The following GAS7 variants were observed in gnomAD, a reference collection of about 807,000 sequenced individuals.
GAS7 encodes the protein growth arrest specific 7.
GAS7 carries 28 observed loss-of-function variants against 71.1 expected under a neutral mutation model. The ratio of observed to expected loss-of-function variants is 0.39; its 90% confidence interval spans 0.29 to 0.54. The LOEUF (loss-of-function observed/expected upper bound fraction) is 0.54, where lower values mean the gene tolerates loss of function less well. Ranked by LOEUF, GAS7 falls within the 20% of genes least tolerant of loss-of-function variation. GAS7 has a pLI of 0.62. For synonymous variants in GAS7, 258 were observed against 245.8 expected (o/e 1.05, Z -0.46); for missense variants, 436 against 627.8 (o/e 0.69, Z 3.27).
At chr17:10,054,496 C>T (rs1414748771) in intron 1 of GAS7, among the ~76,000 whole-genome samples, 4 of 152,164 alleles carry the variant, frequency 2.6e-5, no homozygotes, top group Non-Finnish European at 5.9e-5. Flanking sequence ...CCAACTGAAA[C>T]ATTTTTAAGT....
At chr17:9,985,462 G>A (rs932933013) in intron 2 of GAS7, among the ~76,000 whole-genome samples, 30 of 152,186 alleles carry the variant, frequency 2.0e-4, no homozygotes, top group African/African-American at 6.7e-4. Context: ...CATACCTGCC[G>A]CCTCCTGCTC....
intron 8 of GAS7, among the ~76,000 whole-genome samples, chr17:9,935,922 G>T (rs1567794044): frequency 6.6e-6 from 1 of 152,224 alleles, no homozygotes; most frequent in Non-Finnish European, 1.5e-5. Flanking sequence ...CAACAGGTGG[G>T]TAGGAGGTCC....
intron 1 of GAS7, among the ~76,000 whole-genome samples, chr17:10,127,393 G>A (rs1169808137): frequency 2.0e-5 from 3 of 152,094 alleles, no homozygotes; most frequent in Admixed American, 6.5e-5. Context: ...TGCCAGCTGG[G>A]GATGAGCAGG....
At chr17:10,176,386 C>T (rs1026480515) in intron 1 of GAS7, among the ~76,000 whole-genome samples, 2 of 152,166 alleles carry the variant, frequency 1.3e-5, no homozygotes, top group Non-Finnish European at 2.9e-5. Flanking sequence ...CCCTGCACAG[C>T]GTCTCTTAGC....
chr17:10,022,087 G>GTC (rs1295077118), intron 1 of GAS7, among the ~76,000 whole-genome samples: 1 of 152,082 alleles, frequency 6.6e-6, no homozygotes, highest in Non-Finnish European at 1.5e-5. Flanking sequence ...GGAAGACTCC[G>GTC]TCTGCAAATA....
At chr17:10,024,205 G>A (rs1239323626) in intron 1 of GAS7, among the ~76,000 whole-genome samples, 1 of 152,140 alleles carries the variant, frequency 6.6e-6, no homozygotes, top group African/African-American at 2.4e-5. Flanking sequence ...CTACCTTCAA[G>A]TCTTCACTTA....
In GAS7 at chr17:10,198,376, G is replaced by A; in HGVS notation, c.15C>T (p.Arg5=). 6.3e-7 allele frequency: 1 copy of A among 1,587,534 alleles called. No individual in the cohort carries two copies. The highest frequency in any genetic ancestry group is 8.5e-7 in the Non-Finnish European group (1 of 1,174,796). Reference sequence around the variant, plus strand: ...CGGAGAAGGGGTACAGGGTCCGGCAGCGAGCGCCGGACATGGCCTTGGCGC... The same window carrying A: ...CGGAGAAGGGGTACAGGGTCCGGCAACGAGCGCCGGACATGGCCTTGGCGC... The part of the protein sequence containing the change: MSGA[R]CRTLYPFSGE... The change falls in exon 1 of 14, where the codon CGC becomes CGT. Residue 5 remains arginine, a synonymous_variant. Transcript: ENST00000432992.
chr17:9,919,904 C>G lies in GAS7; in HGVS notation c.1139-199G>C, dbSNP rs1209126044. 6.6e-6 allele frequency among the ~76,000 whole-genome samples: 1 copy of G among 151,978 alleles called. No individual in the cohort carries two copies. Among genetic ancestry groups the G allele is most frequent in the African/African-American group, 2.4e-5 (1 of 41,376 alleles). On this transcript the variant is annotated intron_variant, in intron 11 of 13. Coordinates refer to ENST00000432992, the MANE Select transcript of GAS7 (RefSeq NM_201433.2). This position sits in a 1 kb window ranked among gnomAD's most constrained non-coding sequence, Gnocchi z 5.0. The stretch of plus-strand genomic sequence containing the variant: ...GGGGGCAACCCAGCCCCATGAGAAC[C>G]CAGCTCAGGTGTCCCCCTGAAGCCT...
At position 9,981,816 on chromosome 17, in the gene GAS7, G is replaced by A; in HGVS notation, c.373C>T (p.Leu125=). ...CAGCGGACATTACCTGTTGGAGGCA[G>A]AGAGCTCCTGTGAGAGCCAGGGCTG... ...PASPGSHRSS[L]PPTVNGYHAS... is the part of the protein sequence containing the mutation. The change falls in exon 3 of 14, where the codon CTG becomes TTG. Residue 125 remains leucine, a synonymous_variant. Coordinates refer to ENST00000432992, the MANE Select transcript of GAS7 (RefSeq NM_201433.2). The surrounding 1 kb of genome is among the most constrained non-coding windows in gnomAD (Gnocchi z 4.4). 1 of 1,589,748 alleles carries A rather than the reference G, an allele frequency of 6.3e-7. No homozygotes were observed. Among genetic ancestry groups the A allele is most frequent in the East Asian group, 2.2e-5 (1 of 44,770 alleles).
intron 2 of GAS7, among the ~76,000 whole-genome samples, chr17:9,989,709 AG>A (rs1271541831): frequency 6.6e-6 from 1 of 152,252 alleles, no homozygotes; most frequent in Non-Finnish European, 1.5e-5. Flanking sequence ...AAGAATGGCC[AG>A]GGAAGGCCTC....
At position 10,114,230 on chromosome 17, in the gene GAS7, G is replaced by A. The variant is rs190974067; in HGVS notation, c.183+83978C>T. Among the ~76,000 whole-genome samples, 11 of 152,126 alleles carry A rather than the reference G, an allele frequency of 7.2e-5. 1 individual carries two copies. Among genetic ancestry groups the A allele is most frequent in the South Asian group, 6.2e-4 (3 of 4,810 alleles). ...GGCATGAGCCACCATGCACTTTTCC[G>A]TCAATGCTACAGTCTCACTGGGAAG... On this transcript the variant is annotated intron_variant, in intron 1 of 13. Coordinates refer to ENST00000432992, the MANE Select transcript of GAS7 (RefSeq NM_201433.2).
chr17:10,109,140 T>TA (rs2073786638), intron 1 of GAS7, among the ~76,000 whole-genome samples: 1 of 151,562 alleles, frequency 6.6e-6, no homozygotes, highest in African/African-American at 2.4e-5. Flanking sequence ...AAAATAAAAA[T>TA]AAATAAAAAT....
intron 1 of GAS7, among the ~76,000 whole-genome samples, chr17:10,095,851 G>A (rs2073636370): frequency 6.6e-6 from 1 of 151,112 alleles, no homozygotes; most frequent in African/African-American, 2.4e-5. Flanking sequence ...CTCTGCCCGT[G>A]TGCTCCATCC....
In GAS7 at chr17:9,940,161, CT is replaced by C. The variant is rs1310786001; in HGVS notation, c.770del (p.Lys257SerfsTer22). 1 of 1,612,184 alleles carries C rather than the reference CT, an allele frequency of 6.2e-7. No individual in the cohort carries two copies. The highest frequency in any genetic ancestry group is 1.1e-5 in the South Asian group (1 of 91,052). On this transcript the variant is annotated frameshift_variant, in exon 8 of 14. Coordinates refer to ENST00000432992, the MANE Select transcript of GAS7 (RefSeq NM_201433.2). LOFTEE classifies it high-confidence loss of function. ...GTGAAGCCAAGGAGTTCTGAGAGAGCTTAGCTAAGTTCTTCGCATAGTCTTC... is the reference window on the plus strand; with the variant it reads ...GTGAAGCCAAGGAGTTCTGAGAGAGCTAGCTAAGTTCTTCGCATAGTCTTC... ...IEEDYAKNLA[K>X]LSQNSLASQE...
chr17:10,071,698 G>A (rs1322366929), intron 1 of GAS7, among the ~76,000 whole-genome samples: 2 of 152,172 alleles, frequency 1.3e-5, no homozygotes, highest in Non-Finnish European at 2.9e-5. Flanking sequence ...GCCAAGGCAG[G>A]CAGATCACCT....
At position 9,974,195 on chromosome 17, in the gene GAS7, C is replaced by T. The variant is rs879264601; in HGVS notation, c.386-4433G>A. Among the ~76,000 whole-genome samples, 7 of 152,202 alleles carry T rather than the reference C, an allele frequency of 4.6e-5. No individual in the cohort carries two copies. Among genetic ancestry groups the T allele is most frequent in the Non-Finnish European group, 1.0e-4 (7 of 68,036 alleles). On this transcript the variant is annotated intron_variant, in intron 3 of 13. Transcript: ENST00000432992. This position sits in a 1 kb window ranked among gnomAD's most constrained non-coding sequence, Gnocchi z 4.0. ...AGGAAAGAAAACACAGTTTTCCATT[C>T]GACCCTTTCTCCCCACGTAGCAGCT...
Position 9,959,097 on chromosome 17 carries a change from G to A in GAS7, c.525+105C>T. 1 of 1,392,454 alleles carries A rather than the reference G, an allele frequency of 7.2e-7. No homozygotes were observed. The highest frequency in any genetic ancestry group is 1.4e-5 in the South Asian group (1 of 70,920). 86.3% of individuals were successfully genotyped at this position (1,392,454 alleles called of 1,614,324 possible). ...AGCTTTGGAACTTCCCCGTTTCCAG[G>A]TTGGGCATCACTTCTGCTTGGCGGT... is the stretch of plus-strand genomic sequence containing the variant. On this transcript the variant is annotated intron_variant, in intron 5 of 13. Transcript: ENST00000432992. This position sits in a 1 kb window ranked among gnomAD's most constrained non-coding sequence, Gnocchi z 5.0.
At chr17:9,928,123 A>T (rs8072198) in intron 9 of GAS7, among the ~76,000 whole-genome samples, 52,858 of 148,974 alleles carry the variant, frequency 0.35, 9,654 homozygotes, top group Non-Finnish European at 0.42. Flanking sequence ...TTATTTATTT[A>T]TTTTTTTGAG....
chr17:9,928,164 G>C (rs1441100870), intron 9 of GAS7, among the ~76,000 whole-genome samples: 2 of 151,766 alleles, frequency 1.3e-5, no homozygotes, highest in Non-Finnish European at 2.9e-5. Context: ...CCAGGCTGGA[G>C]TGCAGCGACG....
Sources: allele counts gnomAD v4.1 joint callset (sites outside exome capture counted in the v4.1 genomes callset), GRCh38; gene constraint gnomAD v4.1.1; non-coding constraint Gnocchi (gnomAD v3.1); transcripts MANE v1.5; gene names NCBI Gene and HGNC (gene_info 2026-07-23, HGNC 2026-07-21).